The following LPP variants were observed in gnomAD, a reference collection of about 807,000 sequenced individuals.
LPP encodes the protein LIM domain containing preferred translocation partner in lipoma.
A neutral mutation model predicts 60.4 loss-of-function variants in LPP; 38 were observed. The ratio of observed to expected loss-of-function variants is 0.63; its 90% CI spans 0.49 to 0.83. LPP has a LOEUF of 0.83. LPP is among the 40% of genes least tolerant of loss of function. The pLI is 0.00. For missense variants in LPP, 902 were observed against 783.6 expected (o/e 1.15, Z -1.80); for synonymous variants, 328 against 290.8 (o/e 1.13, Z -1.30).
intron 7 of LPP, among the ~76,000 whole-genome samples, chr3:188,671,428 A>G (rs911773932): frequency 2.0e-5 from 3 of 152,196 alleles, no homozygotes; most frequent in South Asian, 4.1e-4. Context: ...TCAAACTTCA[A>G]TATTTATTTA....
intron 6 of LPP, among the ~76,000 whole-genome samples, chr3:188,602,923 C>T (rs866948875): frequency 4.0e-5 from 6 of 151,672 alleles, no homozygotes; most frequent in Admixed American, 4.0e-4. Flanking sequence ...GTGATACTTA[C>T]ATTTGCCAGT....
intron 3 of LPP, among the ~76,000 whole-genome samples, chr3:188,376,839 G>C (rs911963725): frequency 1.3e-5 from 2 of 152,198 alleles, no homozygotes; most frequent in Non-Finnish European, 2.9e-5. Flanking sequence ...TGCAGTGGCT[G>C]GTACTGGTTG....
intron 1 of LPP, among the ~76,000 whole-genome samples, chr3:188,198,154 T>C (rs1730065109): frequency 6.6e-6 from 1 of 152,190 alleles, no homozygotes; most frequent in Admixed American, 6.5e-5. Context: ...TAAAGAAACC[T>C]ATGAGGATGG....
Position 188,260,285 on chromosome 3 carries a change from C to T in LPP, c.-67+34758C>T, listed in dbSNP as rs148776164. Among the ~76,000 whole-genome samples the T allele has an allele frequency of 3.8e-3, 575 of 152,162 alleles. 6 individuals are homozygous for T. Among genetic ancestry groups the T allele is most frequent in the African/African-American group, 0.013 (538 of 41,500 alleles). ...CTTGAACTCTTGACCTCAAGTGATC[C>T]GCCTGCCTTGGCCTCACAAAGTGCT... On this transcript the variant is annotated intron_variant, in intron 2 of 11. Coordinates refer to ENST00000617246, the MANE Select transcript of LPP (RefSeq NM_001375462.1).
chr3:188,836,287 A>G (rs1194535715), intron 9 of LPP, among the ~76,000 whole-genome samples: 1 of 152,126 alleles, frequency 6.6e-6, no homozygotes, highest in Non-Finnish European at 1.5e-5. Context: ...TATTCCCTTT[A>G]GTCTGTAGGC....
intron 3 of LPP, among the ~76,000 whole-genome samples, chr3:188,368,521 T>C (rs560175296): frequency 5.3e-5 from 8 of 152,130 alleles, no homozygotes; most frequent in Non-Finnish European, 1.2e-4. Context: ...TTTCCAAGTC[T>C]TTTTATTAGT....
chr3:188,859,367 C>G (rs926860701), intron 9 of LPP, among the ~76,000 whole-genome samples: 2 of 152,150 alleles, frequency 1.3e-5, no homozygotes, highest in African/African-American at 4.8e-5. Flanking sequence ...TAGACCACCA[C>G]CATACTGCCT....
At chr3:188,186,406 G>C (rs1726604591) in intron 1 of LPP, among the ~76,000 whole-genome samples, 1 of 152,162 alleles carries the variant, frequency 6.6e-6, no homozygotes, top group South Asian at 2.1e-4. Context: ...AGGGGAAAGA[G>C]AAGTTCTTAA....
intron 2 of LPP, among the ~76,000 whole-genome samples, chr3:188,261,132 AG>A (rs746075759): frequency 6.6e-6 from 1 of 152,180 alleles, no homozygotes; most frequent in Non-Finnish European, 1.5e-5. Flanking sequence ...AAGTACAAAT[AG>A]GAAAACAATA....
chr3:188,730,354 C>T (rs1291289459), intron 8 of LPP, among the ~76,000 whole-genome samples: 1 of 152,166 alleles, frequency 6.6e-6, no homozygotes, highest in Non-Finnish European at 1.5e-5. Flanking sequence ...AGTGCCAGTG[C>T]CCAGGCTAAC....
chr3:188,527,396 C>T (rs1337750030), intron 6 of LPP, among the ~76,000 whole-genome samples: 1 of 149,278 alleles, frequency 6.7e-6, no homozygotes, highest in Non-Finnish European at 1.5e-5. Flanking sequence ...TGGTAGTTTC[C>T]TACAGACAGC....
intron 7 of LPP, among the ~76,000 whole-genome samples, chr3:188,687,836 A>G (rs917101882): frequency 9.0e-5 from 13 of 143,662 alleles, no homozygotes; most frequent in East Asian, 2.0e-4. Context: ...GTGCAGTGGC[A>G]CGATCTCGGC....
chr3:188,461,463 C>T (rs149011546), intron 4 of LPP, among the ~76,000 whole-genome samples: 16 of 152,224 alleles, frequency 1.1e-4, no homozygotes, highest in African/African-American at 3.9e-4. Context: ...GTATCAAATG[C>T]ATGTATCATA....
At chr3:188,590,429 C>T (rs1413924414) in intron 6 of LPP, among the ~76,000 whole-genome samples, 2 of 151,948 alleles carry the variant, frequency 1.3e-5, no homozygotes, top group Non-Finnish European at 1.5e-5. Flanking sequence ...CAAAAATTAG[C>T]CGGGCATAGT....
At chr3:188,765,436 G>A (rs1464920065) in intron 9 of LPP, among the ~76,000 whole-genome samples, 1 of 152,056 alleles carries the variant, frequency 6.6e-6, no homozygotes, top group African/African-American at 2.4e-5. Flanking sequence ...ACTCTCTTGG[G>A]AAGTTAAGCA....
At chr3:188,735,836 A>G (rs1722312818) in intron 8 of LPP, among the ~76,000 whole-genome samples, 1 of 152,230 alleles carries the variant, frequency 6.6e-6, no homozygotes, top group Non-Finnish European at 1.5e-5. Context: ...AAAACTAGAC[A>G]TGGGAGAAGC....
intron 9 of LPP, among the ~76,000 whole-genome samples, chr3:188,767,673 A>G (rs1734585677): frequency 6.6e-6 from 1 of 152,208 alleles, no homozygotes; most frequent in South Asian, 2.1e-4. Flanking sequence ...GTAGCCATAT[A>G]GTAGAACAAG....
intron 4 of LPP, among the ~76,000 whole-genome samples, chr3:188,442,831 G>T (rs1457290298): frequency 6.6e-6 from 1 of 152,194 alleles, no homozygotes; most frequent in Non-Finnish European, 1.5e-5. Context: ...ATGTCAGATT[G>T]AGGGGTTTCG....
chr3:188,297,978 C>T (rs1423237994), intron 2 of LPP, among the ~76,000 whole-genome samples: 1 of 152,178 alleles, frequency 6.6e-6, no homozygotes, highest in East Asian at 1.9e-4. Flanking sequence ...TCTTCAGAGC[C>T]TATCATTGTT....
Sources: allele counts gnomAD v4.1 joint callset (sites outside exome capture counted in the v4.1 genomes callset), GRCh38; gene constraint gnomAD v4.1.1; transcripts MANE v1.5; gene names NCBI Gene and HGNC (gene_info 2026-07-23, HGNC 2026-07-21).